USH2A: variants seen among roughly 807,000 people sequenced by gnomAD.
USH2A encodes the protein usherin.
In USH2A, 443 loss-of-function variants were observed where a neutral mutation model predicts 538.9. The ratio of observed to expected loss-of-function variants is 0.82; its 90% CI spans 0.76 to 0.89. The LOEUF (loss-of-function observed/expected upper bound fraction) is 0.89, where lower values mean the gene tolerates loss of function less well. USH2A is among the 40% of genes least tolerant of loss of function. The pLI, the probability that USH2A is intolerant of heterozygous loss-of-function variation, is 0.00. For missense variants in USH2A, 6,633 were observed against 6,324.8 expected, an observed-to-expected ratio of 1.05 and a Z score of -1.65; for synonymous variants, 2,413 against 2,273.5, an observed-to-expected ratio of 1.06 and a Z score of -1.75.
At chr1:215,980,219 C>A (rs917186285) in intron 35 of USH2A, among the ~76,000 whole-genome samples, 6 of 152,070 alleles carry the variant, frequency 3.9e-5, no homozygotes, top group African/African-American at 1.2e-4. Flanking sequence ...ACTATTTAAT[C>A]TTCAGGAAAA....
intron 14 of USH2A, among the ~76,000 whole-genome samples, chr1:216,226,498 C>A (rs2035564174): frequency 6.6e-6 from 1 of 152,118 alleles, no homozygotes; most frequent in Non-Finnish European, 1.5e-5. Flanking sequence ...GTAGAGGCTG[C>A]AGGAAGGGTA....
chr1:215,915,961 C>A (rs1027031407), intron 38 of USH2A, among the ~76,000 whole-genome samples: 1 of 147,582 alleles, frequency 6.8e-6, no homozygotes, highest in African/African-American at 2.5e-5. Context: ...ACCGCATATT[C>A]TCACTCATAG....
chr1:215,630,517 T>TG (rs1369860753), intron 70 of USH2A, among the ~76,000 whole-genome samples: 22 of 104,594 alleles, frequency 2.1e-4, no homozygotes, highest in African/African-American at 6.8e-4. Context: ...TATATATATA[T>TG]ATATATATAT....
In USH2A at chr1:216,199,680, T is replaced by G; in HGVS notation, c.3758A>C (p.Lys1253Thr). 6.2e-7 allele frequency: 1 copy of G among 1,614,004 alleles called. No individual in the cohort carries two copies. The highest frequency in any genetic ancestry group is 2.2e-5 in the East Asian group (1 of 44,852). ...TACATGAAGTTCTGTAGAACTGATT[T>G]TCTGCATCTTAGGTGGACTTAGTCT... ...PQRLSPPKMQ[K>T]ISSTELHVEW... Residue 1253 changes from lysine to threonine, a missense_variant, in exon 17 of 72, where the codon AAA (lysine) becomes ACA (threonine). Coordinates refer to ENST00000307340, the MANE Select transcript of USH2A (RefSeq NM_206933.4).
At chr1:216,352,861 T>C (rs2038312697) in intron 4 of USH2A, among the ~76,000 whole-genome samples, 1 of 152,082 alleles carries the variant, frequency 6.6e-6, no homozygotes, top group African/African-American at 2.4e-5. Context: ...TTGGAGGTAA[T>C]ATAATCACTG....
At chr1:216,042,602 G>A (rs17645898) in intron 32 of USH2A, among the ~76,000 whole-genome samples, 11,080 of 151,974 alleles carry the variant, frequency 0.073, 503 homozygotes, top group South Asian at 0.12. Context: ...ATTGTAGATA[G>A]ATACATGTTA....
intron 44 of USH2A, 98 bp downstream of exon 44, chr1:215,866,909 A>G: frequency 1.3e-6 from 2 of 1,528,064 alleles, no homozygotes; most frequent in Non-Finnish European, 1.8e-6. Context: ...ACACTTCACT[A>G]TCAAAATGAT....
intron 3 of USH2A, among the ~76,000 whole-genome samples, chr1:216,383,173 C>T (rs887217347): frequency 4.6e-5 from 7 of 151,972 alleles, no homozygotes; most frequent in South Asian, 2.1e-4. Context: ...TTCAGAAACA[C>T]GATGCAATGT....
chr1:215,848,546 C>A (rs9887791), intron 44 of USH2A, among the ~76,000 whole-genome samples: 1 of 152,168 alleles, frequency 6.6e-6, no homozygotes, highest in Non-Finnish European at 1.5e-5. Context: ...CTTAGCCATG[C>A]ACCGTATGCC....
At position 216,000,522 on chromosome 1, in the gene USH2A, T is replaced by G. The variant is rs773734876; in HGVS notation, c.6366A>C (p.Ala2122=). Residue 2122 remains alanine (A), a synonymous_variant, in exon 33 of 72, where the codon GCA becomes GCC. Transcript: ENST00000307340. The part of the protein sequence containing the change: ...VFTPHQFLLS[A]CTHVGCTNSS... The stretch of plus-strand genomic sequence containing the variant: ...TGTTTGTACAGCCCACATGTGTGCA[T>G]GCACTTAGTAGAAACTGGTGGGGTG... 18 of 1,613,664 alleles carry G rather than the reference T, an allele frequency of 1.1e-5. 1 individual carries two copies. The Admixed American group carries it at 2.8e-4, about 25-fold the overall frequency.
At chr1:216,298,289 G>C (rs2037144625) in intron 9 of USH2A, among the ~76,000 whole-genome samples, 1 of 152,182 alleles carries the variant, frequency 6.6e-6, no homozygotes, top group Non-Finnish European at 1.5e-5. Flanking sequence ...TTGCCTACAT[G>C]AGTTAGTGGA....
At chr1:216,130,886 T>G (rs886200788) in intron 21 of USH2A, among the ~76,000 whole-genome samples, 2 of 151,994 alleles carry the variant, frequency 1.3e-5, no homozygotes, top group African/African-American at 4.8e-5. Context: ...ATCTCCACAC[T>G]GTTTTCCATA....
At chr1:216,363,062 A>G (rs1019270762) in intron 4 of USH2A, among the ~76,000 whole-genome samples, 1 of 152,026 alleles carries the variant, frequency 6.6e-6, no homozygotes, top group Non-Finnish European at 1.5e-5. Flanking sequence ...TAGTGTGCGA[A>G]AATATAAACC....
chr1:216,386,220 G>A (rs1231048101), intron 3 of USH2A, among the ~76,000 whole-genome samples: 2 of 152,094 alleles, frequency 1.3e-5, no homozygotes, highest in Non-Finnish European at 1.5e-5. Context: ...ATTTCAGGCC[G>A]GGTGCAGTGG....
At chr1:216,399,314 A>T (rs2039268960) in intron 3 of USH2A, among the ~76,000 whole-genome samples, 1 of 152,148 alleles carries the variant, frequency 6.6e-6, no homozygotes, top group Non-Finnish European at 1.5e-5. Context: ...AGACCACATG[A>T]GGTGGTGTGT....
intron 21 of USH2A, among the ~76,000 whole-genome samples, chr1:216,111,964 G>A (rs1466134623): frequency 1.3e-5 from 2 of 151,476 alleles, no homozygotes; most frequent in East Asian, 1.9e-4. Context: ...AGTAACTCTG[G>A]CTATATAGTT....
At chr1:215,694,771 T>C (rs1278742458) in intron 61 of USH2A, among the ~76,000 whole-genome samples, 2 of 152,236 alleles carry the variant, frequency 1.3e-5, no homozygotes, top group African/African-American at 2.4e-5. Flanking sequence ...GGGTTAGGAT[T>C]TCATTGTAAG....
intron 52 of USH2A, among the ~76,000 whole-genome samples, chr1:215,785,633 T>C (rs187673936): frequency 6.6e-6 from 1 of 152,158 alleles, no homozygotes; most frequent in Non-Finnish European, 1.5e-5. Context: ...GTTGTGCACA[T>C]GTACCCTAGA....
In USH2A at chr1:216,422,025, G is replaced by A. The variant is rs2039686040; in HGVS notation, c.312C>T (p.Gly104=). The A allele has an allele frequency of 6.2e-7, 1 of 1,613,836 alleles. No individual in the cohort carries two copies. The highest frequency in any genetic ancestry group is 1.3e-5 in the African/African-American group (1 of 74,916). The change falls in exon 2 of 72, where the codon GGC becomes GGT. Residue 104 remains glycine (G), a synonymous_variant. Coordinates refer to ENST00000307340, the MANE Select transcript of USH2A (RefSeq NM_206933.4). The part of the protein sequence containing the change: ...HPTYTALFSA[G]LSSCITPDKN... ...TGTCTGGTGTGATGCAGCTACTGAG[G>A]CCTGCTGAGAAAAGGGCAGTGTAGG... is the stretch of plus-strand genomic sequence containing the variant.
Sources: gnomAD v4.1 joint callset for allele counts (sites outside exome capture counted in the v4.1 genomes callset) on GRCh38, gnomAD v4.1.1 for gene constraint, MANE v1.5 for transcripts, NCBI Gene and HGNC (gene_info 2026-07-23, HGNC 2026-07-21) for gene names.